The following PPIL6 variants were observed in gnomAD, a reference collection of about 807,000 sequenced individuals.
PPIL6 encodes probable inactive peptidyl-prolyl cis-trans isomerase-like 6.
A neutral mutation model predicts 36.8 loss-of-function variants in PPIL6; 39 were observed. The ratio of observed to expected loss-of-function variants is 1.06; its 90% confidence interval spans 0.82 to 1.38. The LOEUF (loss-of-function observed/expected upper bound fraction) is 1.38. Ranked by LOEUF, PPIL6 falls within the 40% of genes most tolerant of loss-of-function variation. The pLI, the probability that PPIL6 is intolerant of heterozygous loss-of-function variation, is 0.00. For synonymous variants in PPIL6, 123 were observed against 134.1 expected, an observed-to-expected ratio of 0.92 and a Z score of 0.57; for missense variants, 368 against 379.1, an observed-to-expected ratio of 0.97 and a Z score of 0.24.
chr6:109,431,364 A>AAG lies in PPIL6; in HGVS notation c.232-20_232-19insCT. The AAG allele has an allele frequency of 7.3e-7, 1 of 1,369,876 alleles. No individual in the cohort carries two copies. Among genetic ancestry groups the AAG allele is most frequent in the Non-Finnish European group, 9.9e-7 (1 of 1,007,498 alleles). 84.9% of individuals were successfully genotyped at this position (1,369,876 alleles called of 1,614,324 possible). ...TGAGTTCCTGTAAGGGAAAAGGACA[A>AAG]AAAAAAAAAAAAACGTAAGAAGTGG... On this transcript the variant is annotated intron_variant, in intron 2 of 7. Coordinates refer to ENST00000521072, the MANE Select transcript of PPIL6 (RefSeq NM_173672.5).
In PPIL6 at chr6:109,392,505, C is replaced by T. The variant is rs550480280; in HGVS notation, c.*321G>A. The T allele has an allele frequency of 2.7e-4, 60 of 220,986 alleles. No individual in the cohort carries two copies. In the Middle Eastern group the frequency reaches 4.2e-3, roughly 16 times the overall value. The allele number at this position is 220,986 out of a possible 1,614,324, so 13.7% of individuals were successfully genotyped here. A position where few individuals can be genotyped will look rare whatever the true frequency, so the allele number is the denominator to read the frequency against. ...TATGGCCACAAGATGACAGCTGTAG[C>T]TCCAGCCTCTCCACATTCCAGACTG... On this transcript the variant is annotated 3_prime_UTR_variant, in exon 8 of 8. Coordinates refer to ENST00000521072, the MANE Select transcript of PPIL6 (RefSeq NM_173672.5).
At chr6:109,425,557 T>G (rs758993557) in intron 5 of PPIL6, among the ~76,000 whole-genome samples, 1 of 152,118 alleles carries the variant, frequency 6.6e-6, no homozygotes, top group African/African-American at 2.4e-5. Context: ...AAGGCCAGCC[T>G]GGCCAACATG....
At chr6:109,419,452 G>A (rs1178310878) in intron 5 of PPIL6, among the ~76,000 whole-genome samples, 1 of 151,844 alleles carries the variant, frequency 6.6e-6, no homozygotes, top group Non-Finnish European at 1.5e-5. Context: ...GCCAGGTATG[G>A]TAGCTCACGC....
intron 1 of PPIL6, among the ~76,000 whole-genome samples, chr6:109,437,609 C>A (rs1774524043): frequency 7.4e-6 from 1 of 136,050 alleles, no homozygotes. Context: ...GGATGGAGTG[C>A]AGCGGTGTGA....
chr6:109,407,863 T>G (rs1772865952), intron 6 of PPIL6, among the ~76,000 whole-genome samples: 1 of 152,144 alleles, frequency 6.6e-6, no homozygotes, highest in Non-Finnish European at 1.5e-5. Flanking sequence ...CTTGCTATGT[T>G]GCCCAGGCTG....
intron 2 of PPIL6, among the ~76,000 whole-genome samples, chr6:109,434,400 G>GA (rs1375178046): frequency 6.6e-6 from 1 of 151,794 alleles, no homozygotes; most frequent in East Asian, 1.9e-4. Flanking sequence ...TACAAACAAA[G>GA]AAAAAAAAGA....
chr6:109,440,984 C>A (rs1774840351), upstream of PPIL6: 2 of 810,942 alleles, frequency 2.5e-6, no homozygotes, highest in Non-Finnish European at 3.9e-6. Context: ...CTGAGCCACG[C>A]GGGCTTGGTG....
chr6:109,418,517 A>G (rs1158140478), intron 6 of PPIL6, among the ~76,000 whole-genome samples: 3 of 150,556 alleles, frequency 2.0e-5, no homozygotes, highest in Admixed American at 6.6e-5. Context: ...AATGTTATAC[A>G]GGGTTTTTCT....
At chr6:109,431,078 G>C in intron 3 of PPIL6, 79 bp downstream of exon 3, 1 of 980,048 alleles carries the variant, frequency 1.0e-6, no homozygotes, top group Non-Finnish European at 1.5e-6. Context: ...TCCTTCATTA[G>C]GACATCAATA....
chr6:109,441,020 G>A, upstream of PPIL6: 2 of 1,226,710 alleles, frequency 1.6e-6, no homozygotes, highest in Non-Finnish European at 1.2e-6. Context: ...CGCCTGCGAA[G>A]AAGGAACGGT....
At position 109,392,805 on chromosome 6, in the gene PPIL6, C is replaced by A; in HGVS notation, c.*21G>T. 1 of 1,264,672 alleles carries A rather than the reference C, an allele frequency of 7.9e-7. No individual in the cohort carries two copies. 78.3% of individuals were successfully genotyped at this position (1,264,672 alleles called of 1,614,324 possible). A position where few individuals can be genotyped will look rare whatever the true frequency, so the allele number is the denominator to read the frequency against. The stretch of plus-strand genomic sequence containing the variant: ...TCAGATACAAAGTAATAAATTATCA[C>A]AGAAAATATTGATATGAAAATCAAG... On this transcript the variant is annotated 3_prime_UTR_variant, in exon 8 of 8. Transcript: ENST00000521072.
rs1012911211 is a variant in PPIL6 at position 109,390,849 on chromosome 6, G to C, written c.*1977C>G. 1 of 152,142 alleles carries C rather than the reference G, an allele frequency of 6.6e-6. No homozygotes were observed. The highest frequency in any genetic ancestry group is 2.4e-5 in the African/African-American group (1 of 41,440). The allele number at this position is 152,142 out of a possible 1,614,324, so 9.4% of individuals were successfully genotyped here. ...CTCTGTACTATTTTTGCAACTTCCT[G>C]TGAATCTATATTTCAAAATAAAAAG... On this transcript the variant is annotated 3_prime_UTR_variant, in exon 8 of 8. Transcript: ENST00000521072.
intron 2 of PPIL6, among the ~76,000 whole-genome samples, chr6:109,434,656 A>C (rs1774347753): frequency 6.6e-6 from 1 of 152,204 alleles, no homozygotes; most frequent in South Asian, 2.1e-4. Context: ...TCACAGGATC[A>C]CAGGACATCC....
In PPIL6 at chr6:109,413,582, A is replaced by T. The variant is rs1773110547; in HGVS notation, c.688+5605T>A. Reference sequence around the variant, plus strand: ...TCCTCAAAAAACTAAAAATAGAGCTACCATATGATCCAGGAATCTCACTGC... The same window carrying T: ...TCCTCAAAAAACTAAAAATAGAGCTTCCATATGATCCAGGAATCTCACTGC... On this transcript the variant is annotated intron_variant, in intron 6 of 7. Coordinates refer to ENST00000521072, the MANE Select transcript of PPIL6 (RefSeq NM_173672.5). The surrounding 1 kb of genome is among the most constrained non-coding windows in gnomAD (Gnocchi z 4.6). Among the ~76,000 whole-genome samples the T allele has an allele frequency of 1.3e-5, 2 of 152,232 alleles. No individual in the cohort carries two copies.
intron 3 of PPIL6, among the ~76,000 whole-genome samples, chr6:109,427,533 A>G (rs1217860031): frequency 6.6e-6 from 1 of 151,938 alleles, no homozygotes; most frequent in Admixed American, 6.6e-5. Context: ...ACACACATGC[A>G]CCACCACCAG....
upstream of PPIL6, chr6:109,440,736 G>A: frequency 2.1e-6 from 1 of 480,888 alleles, no homozygotes; most frequent in Non-Finnish European, 3.0e-6. Context: ...TCAACTTTGC[G>A]CCTGTTGCTG....
intron 6 of PPIL6, among the ~76,000 whole-genome samples, chr6:109,407,808 C>T (rs1442403386): frequency 2.0e-5 from 3 of 151,972 alleles, no homozygotes; most frequent in Non-Finnish European, 4.4e-5. Flanking sequence ...CTCCACTGCC[C>T]AAGCATATCA....
intron 7 of PPIL6, among the ~76,000 whole-genome samples, chr6:109,395,730 G>C (rs1045029533): frequency 6.6e-6 from 1 of 150,532 alleles, no homozygotes; most frequent in Non-Finnish European, 1.5e-5. Flanking sequence ...TCAGCCTCCC[G>C]AGCAGCCGGG....
intron 2 of PPIL6, among the ~76,000 whole-genome samples, chr6:109,432,724 T>C (rs546331814): frequency 2.0e-5 from 3 of 152,170 alleles, no homozygotes; most frequent in African/African-American, 7.2e-5. Flanking sequence ...CCTCCCAAAG[T>C]GTTGGGATTA....
Sources: allele counts gnomAD v4.1 joint callset (sites outside exome capture counted in the v4.1 genomes callset), GRCh38; gene constraint gnomAD v4.1.1; non-coding constraint Gnocchi (gnomAD v3.1); transcripts MANE v1.5; gene names NCBI Gene and HGNC (gene_info 2026-07-23, HGNC 2026-07-21).